Variants in LRP1B observed in about 807,000 individuals in gnomAD.
The protein encoded by LRP1B is low-density lipoprotein receptor-related protein 1B.
Under a neutral mutation model 556.6 loss-of-function variants are expected in LRP1B, and 217 were observed. The observed-to-expected ratio is 0.39, with a 90% CI of 0.35 to 0.44. LRP1B has a LOEUF of 0.44. Among genes scored for constraint, LRP1B ranks in the 20% least tolerant of loss-of-function variants. The pLI, the probability that LRP1B is intolerant of heterozygous loss-of-function variation, is 1.00. For missense variants in LRP1B, 5,053 were observed against 5,620.8 expected (o/e 0.90, Z 3.23); for synonymous variants, 2,047 against 1,865.8 (o/e 1.10, Z -2.50).
At chr2:141,877,198 GT>G (rs921699388) in intron 1 of LRP1B, among the ~76,000 whole-genome samples, 3 of 151,696 alleles carry the variant, frequency 2.0e-5, no homozygotes, top group African/African-American at 7.3e-5. Flanking sequence ...TTAAACATTA[GT>G]TTTTTTTCCT....
intron 29 of LRP1B, among the ~76,000 whole-genome samples, chr2:140,843,361 C>A (rs1692180607): frequency 6.6e-6 from 1 of 151,872 alleles, no homozygotes; most frequent in Non-Finnish European, 1.5e-5. Flanking sequence ...GATTTATTTG[C>A]TGCCAGGTTA....
At position 142,130,509 on chromosome 2, in the gene LRP1B, G is replaced by C. The variant is rs887907425; in HGVS notation, c.82+139C>G. 5.7e-5 allele frequency: 39 copies of C among 684,928 alleles called. No individual in the cohort carries two copies. In the African/African-American group the frequency reaches 6.5e-4, roughly 11 times the overall value. 42.4% of individuals were successfully genotyped at this position (684,928 alleles called of 1,614,324 possible). A position where few individuals can be genotyped will look rare whatever the true frequency, so the allele number is the denominator to read the frequency against. On this transcript the variant is annotated intron_variant, in intron 1 of 90. Transcript: ENST00000389484. ...GCACCGCACCTCTCACCCCCGCACA[G>C]GGCCAGCGCACGGTGGTCACCCGGT...
intron 2 of LRP1B, among the ~76,000 whole-genome samples, chr2:141,778,243 G>T (rs776430321): frequency 1.1e-4 from 16 of 152,158 alleles, no homozygotes; most frequent in Non-Finnish European, 2.1e-4. Context: ...TGATTCGCCT[G>T]CATCCATTTT....
At position 140,970,876 on chromosome 2, in the gene LRP1B, G is replaced by A. The variant is rs534561801; in HGVS notation, c.2887+11284C>T. ...CCATCTCACCCTCCCTAGTAGCGGG[G>A]ACTACAGGCATATACCACCACACCC... On this transcript the variant is annotated intron_variant, in intron 18 of 90. Transcript: ENST00000389484. Among the ~76,000 whole-genome samples the A allele has an allele frequency of 1.3e-4, 19 of 151,722 alleles. No homozygotes were observed. In the South Asian group the frequency reaches 4.0e-3, roughly 32 times the overall value.
intron 1 of LRP1B, among the ~76,000 whole-genome samples, chr2:141,838,759 G>T (rs902748392): frequency 7.2e-5 from 11 of 152,130 alleles, no homozygotes; most frequent in African/African-American, 2.7e-4. Flanking sequence ...ATGTTCGCTG[G>T]ATTGAAAACT....
At chr2:141,169,432 C>T (rs562894918) in intron 7 of LRP1B, among the ~76,000 whole-genome samples, 1 of 151,910 alleles carries the variant, frequency 6.6e-6, no homozygotes, top group South Asian at 2.1e-4. Context: ...TGTAAAATTA[C>T]TAGAGGTGTC....
At chr2:141,944,004 A>C (rs1700887720) in intron 1 of LRP1B, among the ~76,000 whole-genome samples, 1 of 152,180 alleles carries the variant, frequency 6.6e-6, no homozygotes, top group African/African-American at 2.4e-5. Flanking sequence ...CAGGAGGGCC[A>C]GGCTCCTCCC....
chr2:140,607,524 C>A (rs1682911848), intron 41 of LRP1B, among the ~76,000 whole-genome samples: 1 of 152,004 alleles, frequency 6.6e-6, no homozygotes, highest in Non-Finnish European at 1.5e-5. Flanking sequence ...GCCCAGATGT[C>A]AATCAGCTGA....
At chr2:141,634,390 G>A (rs1276668733) in intron 2 of LRP1B, among the ~76,000 whole-genome samples, 2 of 151,740 alleles carry the variant, frequency 1.3e-5, no homozygotes, top group Non-Finnish European at 2.9e-5. Context: ...ATAGAAATTA[G>A]CAGCTAGAAG....
chr2:140,555,946 T>C (rs1574075547), intron 43 of LRP1B, among the ~76,000 whole-genome samples: 1 of 152,100 alleles, frequency 6.6e-6, no homozygotes, highest in South Asian at 2.1e-4. Flanking sequence ...TCATACGATA[T>C]GGACATTGGC....
At chr2:141,894,635 T>C (rs563133052) in intron 1 of LRP1B, among the ~76,000 whole-genome samples, 197 of 147,816 alleles carry the variant, frequency 1.3e-3, no homozygotes, top group African/African-American at 4.1e-3. Context: ...AATAGAATAT[T>C]TAGATCTAGA....
intron 1 of LRP1B, among the ~76,000 whole-genome samples, chr2:141,858,608 G>A (rs1447743437): frequency 6.6e-6 from 1 of 152,002 alleles, no homozygotes; most frequent in Admixed American, 6.6e-5. Context: ...GACTATTACT[G>A]TTATTTTTTT....
chr2:141,724,950 T>C (rs930298014), intron 2 of LRP1B, among the ~76,000 whole-genome samples: 1 of 151,988 alleles, frequency 6.6e-6, no homozygotes, highest in Non-Finnish European at 1.5e-5. Flanking sequence ...CTAACCAATA[T>C]TGGTGAATAA....
At chr2:140,357,655 G>A (rs941944922) in intron 74 of LRP1B, among the ~76,000 whole-genome samples, 8 of 151,102 alleles carry the variant, frequency 5.3e-5, no homozygotes, top group Admixed American at 1.3e-4. Flanking sequence ...AAATATCACC[G>A]TTTATAAAAC....
At chr2:141,822,697 A>G (rs986376505) in intron 1 of LRP1B, among the ~76,000 whole-genome samples, 1 of 152,122 alleles carries the variant, frequency 6.6e-6, no homozygotes, top group Admixed American at 6.6e-5. Context: ...TTAATCTTAA[A>G]ATATATTTTA....
chr2:141,983,306 A>G (rs1702094550), intron 1 of LRP1B, among the ~76,000 whole-genome samples: 1 of 152,172 alleles, frequency 6.6e-6, no homozygotes, highest in African/African-American at 2.4e-5. Context: ...TCTCACTCCC[A>G]AGCATTGATG....
intron 27 of LRP1B, among the ~76,000 whole-genome samples, chr2:140,852,336 C>T (rs1019836508): frequency 6.6e-6 from 1 of 151,852 alleles, no homozygotes; most frequent in African/African-American, 2.4e-5. Context: ...CAAAAAGAAA[C>T]AAACAAAAAA....
At chr2:141,312,282 C>G (rs1396441163) in intron 3 of LRP1B, among the ~76,000 whole-genome samples, 1 of 152,042 alleles carries the variant, frequency 6.6e-6, no homozygotes, top group African/African-American at 2.4e-5. Flanking sequence ...GTGAAGATGA[C>G]AAGGATGAAA....
chr2:140,968,720 G>T (rs1696314751), intron 18 of LRP1B, among the ~76,000 whole-genome samples: 1 of 152,060 alleles, frequency 6.6e-6, no homozygotes, highest in Admixed American at 6.6e-5. Context: ...AGAGATTCTG[G>T]TATGTTGTGT....
Sources: gnomAD v4.1 joint callset for allele counts (sites outside exome capture counted in the v4.1 genomes callset) on GRCh38, gnomAD v4.1.1 for gene constraint, MANE v1.5 for transcripts, NCBI Gene and HGNC (gene_info 2026-07-23, HGNC 2026-07-21) for gene names.